The following CYTH1 variants were observed in gnomAD, a reference collection of about 807,000 sequenced individuals.
The protein encoded by CYTH1 is cytohesin 1, also known as cytohesin-1.
CYTH1 carries 18 observed loss-of-function variants against 61.8 expected under a neutral mutation model. The ratio of observed to expected loss-of-function variants is 0.29; its 90% CI spans 0.20 to 0.43. The LOEUF is 0.43. Ranked by LOEUF, CYTH1 falls within the 20% of genes least tolerant of loss-of-function variation. The probability of loss-of-function intolerance (pLI) is 1.00; values close to 1 mark genes in which losing one functional copy is unlikely to be tolerated. For missense variants in CYTH1, 336 were observed against 510.5 expected (o/e 0.66, Z 3.29); for synonymous variants, 174 against 184.3 (o/e 0.94, Z 0.45).
intron 1 of CYTH1, among the ~76,000 whole-genome samples, chr17:78,762,200 C>T (rs546831186): frequency 2.0e-5 from 3 of 152,248 alleles, no homozygotes; most frequent in African/African-American, 7.2e-5. Flanking sequence ...GAACAGAGAG[C>T]AACAACATAA....
In CYTH1 at chr17:78,767,960, A is replaced by G. The variant is rs74827591; in HGVS notation, c.22+14242T>C. Reference sequence around the variant, plus strand: ...AAGAAAGGAAGTTAAACAGGTTTCAAAAACACATATAGTCTGCAGCTGCTG... The same window carrying G: ...AAGAAAGGAAGTTAAACAGGTTTCAGAAACACATATAGTCTGCAGCTGCTG... On this transcript the variant is annotated intron_variant, in intron 1 of 13. Coordinates refer to ENST00000446868, the MANE Select transcript of CYTH1 (RefSeq NM_004762.6). Among the ~76,000 whole-genome samples, 9 of 152,340 alleles carry G rather than the reference A, an allele frequency of 5.9e-5. No homozygotes were observed. In the East Asian group the frequency reaches 1.7e-3, roughly 29 times the overall value.
At chr17:78,687,101 CT>C in intron 11 of CYTH1, among the ~76,000 whole-genome samples, 1 of 152,100 alleles carries the variant, frequency 6.6e-6, no homozygotes, top group East Asian at 1.9e-4. Flanking sequence ...TTATTGTACA[CT>C]TTATTTCTAT....
At chr17:78,732,226 C>T (rs2093298697) in intron 1 of CYTH1, among the ~76,000 whole-genome samples, 1 of 152,230 alleles carries the variant, frequency 6.6e-6, no homozygotes, top group Non-Finnish European at 1.5e-5. Flanking sequence ...CCGATACTGA[C>T]ATCTTAGAAA....
intron 1 of CYTH1, among the ~76,000 whole-genome samples, chr17:78,735,959 G>A (rs2093318297): frequency 6.6e-6 from 1 of 152,188 alleles, no homozygotes; most frequent in Admixed American, 6.5e-5. Flanking sequence ...TTGGGATTTA[G>A]AAGGCACAGC....
chr17:78,685,568 C>T (rs911943427), intron 11 of CYTH1, among the ~76,000 whole-genome samples: 7 of 152,078 alleles, frequency 4.6e-5, no homozygotes, highest in Non-Finnish European at 7.3e-5. Flanking sequence ...AGTATATTTT[C>T]GTATTCTGAA....
At chr17:78,780,001 C>G (rs1486173110) in intron 1 of CYTH1, among the ~76,000 whole-genome samples, 2 of 152,228 alleles carry the variant, frequency 1.3e-5, no homozygotes. Flanking sequence ...TAAAAGCAAC[C>G]AGACCAATAG....
chr17:78,751,404 T>C (rs958448272), intron 1 of CYTH1, among the ~76,000 whole-genome samples: 2 of 149,748 alleles, frequency 1.3e-5, no homozygotes, highest in African/African-American at 2.5e-5. Flanking sequence ...TTAGGAACAA[T>C]AGACAGAAAT....
intron 1 of CYTH1, among the ~76,000 whole-genome samples, chr17:78,772,305 C>T (rs1370347205): frequency 2.0e-5 from 3 of 152,186 alleles, no homozygotes; most frequent in African/African-American, 4.8e-5. Flanking sequence ...TGTTTCATCC[C>T]TTTCATCTCT....
chr17:78,728,475 G>C (rs1598888728), intron 1 of CYTH1, among the ~76,000 whole-genome samples: 1 of 152,024 alleles, frequency 6.6e-6, no homozygotes, highest in South Asian at 2.1e-4. Context: ...TTGAACCAGG[G>C]AGGCAGAGGT....
rs369592841 is a variant in CYTH1, at chr17:78,767,507, A to G, written c.22+14695T>C. ...GAGCATAAAGCAAATACCCTGACACAAAGAATTTAAAAAGTCTGAACAAAC... is the reference window on the plus strand; with the variant it reads ...GAGCATAAAGCAAATACCCTGACACGAAGAATTTAAAAAGTCTGAACAAAC... On this transcript the variant is annotated intron_variant, in intron 1 of 13. Coordinates refer to ENST00000446868, the MANE Select transcript of CYTH1 (RefSeq NM_004762.6). Among the ~76,000 whole-genome samples the G allele has an allele frequency of 7.9e-5, 12 of 152,346 alleles. 4 individuals are homozygous for G. Among genetic ancestry groups the G allele is most frequent in the Admixed American group, 6.5e-5 (1 of 15,296 alleles).
chr17:78,692,594 AG>A, intron 10 of CYTH1, 101 bp from the exon 11 acceptor site: 1 of 1,095,330 alleles, frequency 9.1e-7, no homozygotes, highest in Non-Finnish European at 1.4e-6. Flanking sequence ...GGGTTGGGGG[AG>A]AGGCATCAGG....
In CYTH1 at chr17:78,717,796, G is replaced by A. The variant is rs138302876; in HGVS notation, c.23-8064C>T. Among the ~76,000 whole-genome samples, 178 of 152,248 alleles carry A rather than the reference G, an allele frequency of 1.2e-3. 1 individual carries two copies. The highest frequency in any genetic ancestry group is 4.1e-3 in the African/African-American group (170 of 41,544). ...CAGGACCACACTGTCCTAAATCCCC[G>A]TGGGTACCGTCAAATGAACGTGTCC... On this transcript the variant is annotated intron_variant, in intron 1 of 13. Coordinates refer to ENST00000446868, the MANE Select transcript of CYTH1 (RefSeq NM_004762.6). This position sits in a 1 kb window ranked among gnomAD's most constrained non-coding sequence, Gnocchi z 4.4.
chr17:78,730,613 T>A lies in CYTH1; in HGVS notation c.23-20881A>T, dbSNP rs375427034. On this transcript the variant is annotated intron_variant, in intron 1 of 13. Transcript: ENST00000446868. ...TTTTAGGTCAGAAATTGAGCTTCCA[T>A]GATTCCTCTGTAGAGGAAGGAAGAA... is the stretch of plus-strand genomic sequence containing the variant. 3.8e-4 allele frequency among the ~76,000 whole-genome samples: 58 copies of A among 151,976 alleles called. 1 individual carries two copies. Among genetic ancestry groups the A allele is most frequent in the African/African-American group, 1.4e-3 (56 of 41,452 alleles).
intron 1 of CYTH1, among the ~76,000 whole-genome samples, chr17:78,751,987 C>T (rs530259843): frequency 3.1e-4 from 47 of 152,260 alleles, no homozygotes; most frequent in African/African-American, 1.1e-3. Flanking sequence ...CTGCCTGCCA[C>T]GGCCTCCCAA....
In CYTH1 at chr17:78,736,719, T is replaced by C. The variant is rs375837237; in HGVS notation, c.23-26987A>G. 4.5e-5 allele frequency: 19 copies of C among 426,148 alleles called. No homozygotes were observed. In the East Asian group the frequency reaches 1.0e-3, roughly 22 times the overall value. 26.4% of individuals were successfully genotyped at this position (426,148 alleles called of 1,614,324 possible). A position where few individuals can be genotyped will look rare whatever the true frequency, so the allele number is the denominator to read the frequency against. On this transcript the variant is annotated intron_variant, in intron 1 of 13. Transcript: ENST00000446868. ...TCCTCCTCTTCGGTTTTAAGGACCA[T>C]CTTGTTTCCTTACAGCGGGACACGA... is the stretch of plus-strand genomic sequence containing the variant.
At chr17:78,727,804 T>A (rs1306831560) in intron 1 of CYTH1, 8 of 447,748 alleles carry the variant, frequency 1.8e-5, no homozygotes, top group Non-Finnish European at 3.8e-5. Flanking sequence ...CCGTCCCCTA[T>A]CTCCTGCCCA....
At chr17:78,696,531 C>T (rs2092940634) in intron 9 of CYTH1, among the ~76,000 whole-genome samples, 2 of 152,242 alleles carry the variant, frequency 1.3e-5, no homozygotes, top group African/African-American at 4.8e-5. Context: ...CTACAGACGG[C>T]TGGAAGCCCT....
At chr17:78,708,299 G>T (rs1166679550) in intron 2 of CYTH1, 38 bp from the exon 3 acceptor site, 3 of 1,570,222 alleles carry the variant, frequency 1.9e-6, no homozygotes, top group South Asian at 2.3e-5. Flanking sequence ...AGGAAAGGCA[G>T]ATGCAGATCA....
Position 78,782,199 on chromosome 17 carries a change from G to A in CYTH1, c.22+3C>T, listed in dbSNP as rs1315516920. 1.0e-5 allele frequency: 14 copies of A among 1,369,302 alleles called. No individual in the cohort carries two copies. The East Asian group carries it at 4.4e-4, about 43-fold the overall frequency. The allele number at this position is 1,369,302 out of a possible 1,614,324, so 84.8% of individuals were successfully genotyped here. A position where few individuals can be genotyped will look rare whatever the true frequency, so the allele number is the denominator to read the frequency against. On this transcript the variant is annotated splice_donor_region_variant and intron_variant, in intron 1 of 13. Transcript: ENST00000446868. ...GAAGCGTCCGCCGCCGGGGCGCACT[G>A]ACCGTAGCTGTCGTCCTCCTCCATG... is the stretch of plus-strand genomic sequence containing the variant.
Sources: allele counts gnomAD v4.1 joint callset (sites outside exome capture counted in the v4.1 genomes callset), GRCh38; gene constraint gnomAD v4.1.1; non-coding constraint Gnocchi (gnomAD v3.1); transcripts MANE v1.5; gene names NCBI Gene and HGNC (gene_info 2026-07-23, HGNC 2026-07-21).